ZNF335: variants seen among roughly 807,000 people sequenced by gnomAD.
ZNF335 encodes the protein NRC-interacting factor 1.
Under a neutral mutation model 145.6 loss-of-function variants are expected in ZNF335, and 84 were observed. The ratio of observed to expected loss-of-function variants is 0.58; its 90% CI spans 0.48 to 0.69. The LOEUF is 0.69. Among genes scored for constraint, ZNF335 ranks in the 30% least tolerant of loss-of-function variants. The pLI, the probability that ZNF335 is intolerant of heterozygous loss-of-function variation, is 0.00. For synonymous variants in ZNF335, 761 were observed against 717.0 expected, an observed-to-expected ratio of 1.06 and a Z score of -0.98; for missense variants, 1,865 against 1,809.7, an observed-to-expected ratio of 1.03 and a Z score of -0.55.
intron 6 of ZNF335, among the ~76,000 whole-genome samples, chr20:45,966,428 C>G (rs994637071): frequency 6.6e-6 from 1 of 151,924 alleles, no homozygotes; most frequent in East Asian, 1.9e-4. Flanking sequence ...TATTTTAGGG[C>G]CAGGCACAGC....
chr20:45,961,804 C>T, intron 10 of ZNF335: 1 of 406,706 alleles, frequency 2.5e-6, no homozygotes, highest in Non-Finnish European at 4.5e-6. Flanking sequence ...TTCCTTCAAT[C>T]CCTTCAACAA....
In ZNF335 at chr20:45,967,518, C is replaced by T. The variant is rs750616689; in HGVS notation, c.931G>A (p.Ala311Thr). The change falls in exon 6 of 28, where the codon GCT becomes ACT. Residue 311 changes from alanine (A) to threonine (T), a missense_variant. Transcript: ENST00000322927. ...CCCTCCAGGTCATCAATGGCTCCAG[C>T]GTCTACAATGTCATCATCGTCCTCC... is the stretch of plus-strand genomic sequence containing the variant. ...EEEDDDDIVD[A>T]GAIDDLEEDS... 8 of 1,613,952 alleles carry T rather than the reference C, an allele frequency of 5.0e-6. No individual in the cohort carries two copies. The highest frequency in any genetic ancestry group is 3.3e-5 in the South Asian group (3 of 91,086).
rs367545283 is a variant in ZNF335 at position 45,949,317 on chromosome 20, C to G, written c.3819+16G>C. On this transcript the variant is annotated intron_variant, in intron 26 of 27. Transcript: ENST00000322927. ...CTGCCTGTGCCCCAGGTCTCCCTGTCCCCCCACGGCCCTACCTGGGACTCC... is the reference window on the plus strand; with the variant it reads ...CTGCCTGTGCCCCAGGTCTCCCTGTGCCCCCACGGCCCTACCTGGGACTCC... 8.1e-6 allele frequency: 13 copies of G among 1,614,068 alleles called. No individual in the cohort carries two copies. Among genetic ancestry groups the G allele is most frequent in the Non-Finnish European group, 1.1e-5 (13 of 1,180,018 alleles).
chr20:45,962,137 C>T lies in ZNF335; in HGVS notation c.1579G>A (p.Glu527Lys), dbSNP rs749530075. ...HVGSKPYKCDECSYTSVYRKD... is the reference protein window; with the variant it reads ...HVGSKPYKCDKCSYTSVYRKD... The stretch of plus-strand genomic sequence containing the variant: ...CGGTAGACACTGGTGTAGCTGCACT[C>T]GTCACACTTGTAGGGCTTGCTGCCC... The change falls in exon 10 of 28, where the codon GAG becomes AAG. Residue 527 changes from glutamate to lysine, a missense_variant. Transcript: ENST00000322927. 1.5e-5 allele frequency: 24 copies of T among 1,613,832 alleles called. No individual in the cohort carries two copies. The highest frequency in any genetic ancestry group is 1.9e-5 in the Non-Finnish European group (22 of 1,179,950).
chr20:45,962,205 G>A (rs2083855963), intron 9 of ZNF335, 23 bp from the exon 10 acceptor site: 2 of 1,600,374 alleles, frequency 1.2e-6, no homozygotes, highest in Non-Finnish European at 1.7e-6. Flanking sequence ...CAAAAGGATG[G>A]TGGGCTGGGG....
intron 20 of ZNF335, 46 bp from the exon 21 acceptor site, chr20:45,950,641 T>C (rs372640780): frequency 5.6e-5 from 89 of 1,599,216 alleles, no homozygotes; most frequent in Non-Finnish European, 7.4e-5. Context: ...TCAGGACAGA[T>C]GGCAACAAAT....
chr20:45,969,576 A>T lies in ZNF335; in HGVS notation c.317T>A (p.Leu106His). The T allele has an allele frequency of 6.2e-7, 1 of 1,605,012 alleles. No individual in the cohort carries two copies. Among genetic ancestry groups the T allele is most frequent in the Non-Finnish European group, 8.5e-7 (1 of 1,173,104 alleles). Residue 106 changes from leucine (L) to histidine (H), a missense_variant, in exon 3 of 28, where the codon CTT (leucine) becomes CAT (histidine). Leu to His is a moderately conservative substitution (Grantham distance 99, BLOSUM62 -3). Coordinates refer to ENST00000322927, the MANE Select transcript of ZNF335 (RefSeq NM_022095.4). ...GTCTGGGAGTGCACTAGAGTGCACA[A>T]GTGCTGGGGGACCGCCTGTCACCCC... ...VAGVTGGPPA[L>H]VHSSALPDPN...
chr20:45,971,604 G>C (rs1332563304), intron 1 of ZNF335, 144 bp from the exon 2 acceptor site: 44 of 1,436,084 alleles, frequency 3.1e-5, no homozygotes, highest in Non-Finnish European at 4.0e-5. Context: ...GGTGTATTGC[G>C]AGGGGAGCTC....
intron 24 of ZNF335, 98 bp from the exon 25 acceptor site, chr20:45,949,666 C>G: frequency 6.9e-7 from 1 of 1,453,864 alleles, no homozygotes; most frequent in Non-Finnish European, 9.4e-7. Flanking sequence ...GGAACAGCCA[C>G]CAGCAACAAT....
chr20:45,957,705 G>T (rs1441890134), intron 16 of ZNF335, 25 bp from the exon 17 acceptor site: 1 of 1,613,222 alleles, frequency 6.2e-7, no homozygotes, highest in African/African-American at 1.3e-5. Flanking sequence ...ACCTAAGCCT[G>T]ACAAAGTGCT....
At chr20:45,970,568 G>T in intron 2 of ZNF335, among the ~76,000 whole-genome samples, 1 of 152,172 alleles carries the variant, frequency 6.6e-6, no homozygotes, top group East Asian at 1.9e-4. Flanking sequence ...AGATCACACG[G>T]CTAGGAAGTG....
intron 18 of ZNF335, among the ~76,000 whole-genome samples, 186 bp from the exon 19 acceptor site, chr20:45,952,895 C>T (rs1188216612): frequency 1.3e-5 from 2 of 152,186 alleles, no homozygotes; most frequent in African/African-American, 4.8e-5. Context: ...TAAATGATTA[C>T]AACTCAAGCA....
chr20:45,968,540 C>A, intron 3 of ZNF335, 178 bp from the exon 4 acceptor site: 1 of 569,090 alleles, frequency 1.8e-6, no homozygotes, highest in Non-Finnish European at 3.2e-6. Context: ...CCTGGCAGGG[C>A]TGTCTGGAGG....
chr20:45,962,246 C>T lies in ZNF335; in HGVS notation c.1534-64G>A, dbSNP rs2083857037. 9 of 1,315,224 alleles carry T rather than the reference C, an allele frequency of 6.8e-6. No individual in the cohort carries two copies. In the South Asian group the frequency reaches 1.1e-4, roughly 16 times the overall value. 81.5% of individuals were successfully genotyped at this position (1,315,224 alleles called of 1,614,324 possible). On this transcript the variant is annotated intron_variant, in intron 9 of 27. Coordinates refer to ENST00000322927, the MANE Select transcript of ZNF335 (RefSeq NM_022095.4). ...CCTCCTCTCCCATCCCCGTCCCCACCATGCCTGTGGCCACAGTCTTAGGGT... is the reference window on the plus strand; with the variant it reads ...CCTCCTCTCCCATCCCCGTCCCCACTATGCCTGTGGCCACAGTCTTAGGGT...
rs532464660 is a variant in ZNF335 at position 45,950,754 on chromosome 20, G to A, written c.3190-159C>T. 5.9e-5 allele frequency among the ~76,000 whole-genome samples: 9 copies of A among 152,320 alleles called. No individual in the cohort carries two copies. The South Asian group carries it at 1.0e-3, about 18-fold the overall frequency. On this transcript the variant is annotated intron_variant, in intron 20 of 27. Transcript: ENST00000322927. ...AGAAGCTGGGTAGAAAGGCCAAGCC[G>A]GATCCGTATCTGGTGCTGCTGTGTC...
rs373702988 is a variant in ZNF335 at position 45,967,593 on chromosome 20, G to C, written c.856C>G (p.Arg286Gly). ...CTCTTGGTGGAGGTGCTCCACTTCC[G>C]TAGACGTCCTTTTTTACCAGCTGCT... The part of the protein sequence containing the change: ...AAAAGKKGRL[R>G]KWSTSTKSQE... The change falls in exon 6 of 28, where the codon CGG (arginine) becomes GGG (glycine). Residue 286 changes from arginine (R) to glycine (G), a missense_variant. By Grantham distance (125) the Arg-to-Gly change is moderately radical. Coordinates refer to ENST00000322927, the MANE Select transcript of ZNF335 (RefSeq NM_022095.4). The C allele has an allele frequency of 5.0e-6, 8 of 1,613,838 alleles. No individual in the cohort carries two copies. The African/African-American group carries it at 1.1e-4, about 22-fold the overall frequency.
At chr20:45,949,425 C>T (rs200177323) in intron 25 of ZNF335, 27 bp from the exon 26 acceptor site, 14 of 1,614,010 alleles carry the variant, frequency 8.7e-6, no homozygotes, top group Non-Finnish European at 1.1e-5. Flanking sequence ...AAGCTGTGAT[C>T]CTAGGGAGAG....
At position 45,953,932 on chromosome 20, in the gene ZNF335, G is replaced by T; in HGVS notation, c.2459C>A (p.Ser820Ter). 2 of 1,599,708 alleles carry T rather than the reference G, an allele frequency of 1.3e-6. No individual in the cohort carries two copies. The highest frequency in any genetic ancestry group is 2.3e-5 in the East Asian group (1 of 44,400). The change falls in exon 18 of 28, where the codon TCG becomes TAG. Residue 820 changes from serine to a stop codon, truncating the protein, a stop_gained. Coordinates refer to ENST00000322927, the MANE Select transcript of ZNF335 (RefSeq NM_022095.4). LOFTEE classifies it high-confidence loss of function. Reference sequence around the variant, plus strand: ...TGCTAACCCTGCTTCCACATCTTCCGACTTCACCACAGCCACCTGCAACGG... The same window carrying T: ...TGCTAACCCTGCTTCCACATCTTCCTACTTCACCACAGCCACCTGCAACGG... The part of the protein sequence containing the change: ...GTALQVAVVK[S>*]EDVEAGLASP...
Position 45,960,249 on chromosome 20 carries a change from C to A in ZNF335, c.1979G>T (p.Arg660Leu), listed in dbSNP as rs780361857. ...CACATGGGACAGCAAGAAGTCCTCTCGGAAGGTGCGGTAGGGACAAAAGCT... is the reference window on the plus strand; with the variant it reads ...CACATGGGACAGCAAGAAGTCCTCTAGGAAGGTGCGGTAGGGACAAAAGCT... ...KCSFCPYRTF[R>L]EDFLLSHVAV... The change falls in exon 14 of 28, where the codon CGA becomes CTA. Residue 660 changes from arginine to leucine, a missense_variant. By Grantham distance (102) the Arg-to-Leu change is moderately radical (BLOSUM62 -2). Transcript: ENST00000322927. 2 of 1,614,154 alleles carry A rather than the reference C, an allele frequency of 1.2e-6. No homozygotes were observed. The highest frequency in any genetic ancestry group is 2.2e-5 in the East Asian group (1 of 44,882).
Sources: gnomAD v4.1 joint callset for allele counts (sites outside exome capture counted in the v4.1 genomes callset) on GRCh38, gnomAD v4.1.1 for gene constraint, MANE v1.5 for transcripts, NCBI Gene and HGNC (gene_info 2026-07-23, HGNC 2026-07-21) for gene names.